RBM6: variants seen among roughly 807,000 people sequenced by gnomAD.
RBM6 encodes RNA-binding protein 6.
A neutral mutation model predicts 140.4 loss-of-function variants in RBM6; 23 were observed. That is an observed-to-expected ratio of 0.16 (90% confidence interval 0.12 to 0.23). RBM6 has a LOEUF of 0.23. RBM6 is among the 10% of genes least tolerant of loss of function. RBM6 has a pLI of 1.00. For synonymous variants in RBM6, 439 were observed against 475.6 expected (o/e 0.92, Z 1.00); for missense variants, 1,139 against 1,386.7 (o/e 0.82, Z 2.84).
At chr3:50,069,500 C>G (rs1249077951) in intron 18 of RBM6, among the ~76,000 whole-genome samples, 2 of 122,300 alleles carry the variant, frequency 1.6e-5, no homozygotes, top group African/African-American at 6.4e-5. Flanking sequence ...AGAGCCAGAC[C>G]TTGTCTCAAA....
chr3:50,062,649 G>T (rs993467650), intron 15 of RBM6, among the ~76,000 whole-genome samples: 11 of 151,982 alleles, frequency 7.2e-5, no homozygotes, highest in African/African-American at 2.7e-4. Flanking sequence ...CAACACCTCA[G>T]CTCCATACAT....
intron 5 of RBM6, among the ~76,000 whole-genome samples, chr3:49,993,412 C>T (rs1342050657): frequency 1.3e-5 from 2 of 152,108 alleles, no homozygotes; most frequent in African/African-American, 4.8e-5. Flanking sequence ...GAGGCCAAGG[C>T]GTGTGGATAA....
chr3:49,957,813 C>A (rs2084067081), intron 1 of RBM6, among the ~76,000 whole-genome samples: 1 of 151,078 alleles, frequency 6.6e-6, no homozygotes, highest in Admixed American at 6.6e-5. Context: ...CCTGTATTTG[C>A]CTTTACCAGA....
chr3:50,066,267 G>A lies in RBM6; in HGVS notation c.2708G>A (p.Gly903Asp). Residue 903 changes from glycine to aspartate, a missense_variant, in exon 17 of 21, where the codon GGC (glycine) becomes GAC (aspartate). Transcript: ENST00000266022. ...PPPKVVNPLI[G>D]LLGEYGGDSD... ...CCTAAAGTGGTAAACCCACTGATCG[G>A]CCTCTTGGGTGAATATGGAGGAGAC... is the stretch of plus-strand genomic sequence containing the variant. 6.2e-7 allele frequency: 1 copy of A among 1,614,080 alleles called. No individual in the cohort carries two copies. Among genetic ancestry groups the A allele is most frequent in the Non-Finnish European group, 8.5e-7 (1 of 1,180,014 alleles).
chr3:50,071,534 G>A (rs1380549285), intron 19 of RBM6, among the ~76,000 whole-genome samples: 1 of 152,100 alleles, frequency 6.6e-6, no homozygotes, highest in Non-Finnish European at 1.5e-5. Context: ...AAGGAGAGTG[G>A]CCTATAATCC....
Position 49,943,237 on chromosome 3 carries a change from T to C in RBM6, c.-67+3012T>C, listed in dbSNP as rs2083359194. 2.0e-5 allele frequency among the ~76,000 whole-genome samples: 3 copies of C among 152,198 alleles called. No individual in the cohort carries two copies. The South Asian group carries it at 6.2e-4, about 31-fold the overall frequency. On this transcript the variant is annotated intron_variant, in intron 1 of 20. Transcript: ENST00000266022. ...CAAATATCTCTTTGAGTCCCTGCTT[T>C]GAATTCTTTTGGGTATATACCCAGA...
Position 50,053,029 on chromosome 3 carries a change from G to GTGTGTT in RBM6, c.1633-1301_1633-1300insTTGTGT, listed in dbSNP as rs1407947583. ...TGTGTGTGTGTGTGTGTGTGTGTGT[G>GTGTGTT]TGTGTGTTTATAATCTGTTTATAGG... On this transcript the variant is annotated intron_variant, in intron 7 of 20. Transcript: ENST00000266022. 4.0e-5 allele frequency among the ~76,000 whole-genome samples: 5 copies of GTGTGTT among 126,296 alleles called. No individual in the cohort carries two copies. The East Asian group carries it at 1.0e-3, about 25-fold the overall frequency. The allele number at this position is 126,296 out of a possible 152,430, so 82.9% of individuals were successfully genotyped here. A position where few individuals can be genotyped will look rare whatever the true frequency, so the allele number is the denominator to read the frequency against.
chr3:50,005,409 G>C (rs1252252102), intron 6 of RBM6, among the ~76,000 whole-genome samples: 1 of 151,172 alleles, frequency 6.6e-6, no homozygotes, highest in Non-Finnish European at 1.5e-5. Context: ...AAAGTGGGAG[G>C]ATTGCTTGAG....
chr3:49,971,664 A>C (rs1016873686), intron 3 of RBM6, among the ~76,000 whole-genome samples: 3 of 151,964 alleles, frequency 2.0e-5, no homozygotes, highest in African/African-American at 7.2e-5. Context: ...CAGCCTCCTG[A>C]GTAGCTGGGA....
intron 4 of RBM6, 36 bp downstream of exon 4, chr3:49,972,184 A>G: frequency 2.7e-6 from 4 of 1,480,956 alleles, no homozygotes; most frequent in Non-Finnish European, 3.7e-6. Context: ...CTCTGTGTCA[A>G]TTAAAAATTA....
Position 50,047,001 on chromosome 3 carries a change from G to A in RBM6, c.1558-1244G>A, listed in dbSNP as rs1450329735. On this transcript the variant is annotated intron_variant, in intron 6 of 20. Coordinates refer to ENST00000266022, the MANE Select transcript of RBM6 (RefSeq NM_005777.3). Reference sequence around the variant, plus strand: ...TAGTAAGTGCTTAATAAATGTTAGCGATTTTTATTATCATTGTCCTTAGCC... The same window carrying A: ...TAGTAAGTGCTTAATAAATGTTAGCAATTTTTATTATCATTGTCCTTAGCC... The A allele has an allele frequency of 4.5e-5, 9 of 201,126 alleles. No individual in the cohort carries two copies. The Admixed American group carries it at 5.2e-4, about 12-fold the overall frequency. The allele number at this position is 201,126 out of a possible 1,614,324, so 12.5% of individuals were successfully genotyped here. A position where few individuals can be genotyped will look rare whatever the true frequency, so the allele number is the denominator to read the frequency against.
chr3:50,021,913 G>A (rs905581035), intron 6 of RBM6, among the ~76,000 whole-genome samples: 2 of 151,422 alleles, frequency 1.3e-5, no homozygotes, highest in African/African-American at 4.9e-5. Flanking sequence ...TTATTTAGAA[G>A]CATGTTTTTG....
Position 50,021,740 on chromosome 3 carries a change from C to CTTTTTTTTTTTTTTTT in RBM6, c.1557+22242_1557+22257dup, listed in dbSNP as rs542734328. The stretch of plus-strand genomic sequence containing the variant: ...ATCTCCATACTGAGGAATTTAAGTG[C>CTTTTTTTTTTTTTTTT]TTTTTTTTTTTTTTTTTTTTTTTTT... On this transcript the variant is annotated intron_variant, in intron 6 of 20. Transcript: ENST00000266022. 1.8e-3 allele frequency among the ~76,000 whole-genome samples: 76 copies of CTTTTTTTTTTTTTTTT among 42,754 alleles called. 21 individuals carry two copies. Among genetic ancestry groups the CTTTTTTTTTTTTTTTT allele is most frequent in the Non-Finnish European group, 2.1e-3 (52 of 24,472 alleles). The allele number at this position is 42,754 out of a possible 152,430, so 28.0% of individuals were successfully genotyped here.
intron 6 of RBM6, among the ~76,000 whole-genome samples, chr3:50,037,468 G>A (rs560993020): frequency 2.0e-5 from 3 of 152,102 alleles, no homozygotes; most frequent in Non-Finnish European, 4.4e-5. Context: ...GTATTCAGAA[G>A]TCCAGAGGCT....
chr3:50,067,538 CAG>C (rs1471855739), intron 17 of RBM6, among the ~76,000 whole-genome samples: 2 of 152,220 alleles, frequency 1.3e-5, no homozygotes, highest in Non-Finnish European at 2.9e-5. Flanking sequence ...CCAGCTCTGA[CAG>C]TGTGCAGTTT....
chr3:50,003,758 A>G (rs1435284708), intron 6 of RBM6, among the ~76,000 whole-genome samples: 1 of 152,226 alleles, frequency 6.6e-6, no homozygotes, highest in Non-Finnish European at 1.5e-5. Context: ...CTTAGGCAGC[A>G]GCTGTCTATC....
rs997002534 is a variant in RBM6 at position 50,057,765 on chromosome 3, G to A, written c.1731G>A (p.Gln577=). The change falls in exon 9 of 21, where the codon CAG becomes CAA. Residue 577 remains glutamine (Q), a synonymous_variant. Transcript: ENST00000266022. ...EAKQELITYP[Q]PQKTSIPAPL... is the part of the protein sequence containing the mutation. ...AGCAAGAATTAATAACCTACCCTCA[G>A]CCTCAGAAAACATCCATACCAGCAC... The A allele has an allele frequency of 1.4e-5, 23 of 1,611,868 alleles. No homozygotes were observed. In the African/African-American group the frequency reaches 2.7e-4, roughly 19 times the overall value.
intron 3 of RBM6, 64 bp from the exon 4 acceptor site, chr3:49,971,995 A>G: frequency 3.2e-6 from 4 of 1,241,680 alleles, no homozygotes; most frequent in East Asian, 2.4e-5. Flanking sequence ...GCTAAATTTC[A>G]TGTTGATTTG....
chr3:50,068,868 A>T (rs2090199986), intron 18 of RBM6, 104 bp downstream of exon 18: 2 of 1,008,930 alleles, frequency 2.0e-6, no homozygotes, highest in African/African-American at 3.2e-5. Context: ...GATGGAGAAC[A>T]AAAGCAGCCT....
Sources: allele counts gnomAD v4.1 joint callset (sites outside exome capture counted in the v4.1 genomes callset), GRCh38; gene constraint gnomAD v4.1.1; transcripts MANE v1.5; gene names NCBI Gene and HGNC (gene_info 2026-07-23, HGNC 2026-07-21).